ZNF385D: variants seen among roughly 807,000 people sequenced by gnomAD.
ZNF385D encodes the protein zinc finger protein 385D, also known as zinc finger protein 659.
Under a neutral mutation model 35.8 loss-of-function variants are expected in ZNF385D, and 15 were observed. That is an observed-to-expected ratio of 0.42 (90% CI 0.28 to 0.64). ZNF385D has a LOEUF of 0.64. ZNF385D is among the 30% of genes least tolerant of loss of function. The pLI is 0.23. For synonymous variants in ZNF385D, 212 were observed against 186.8 expected, an observed-to-expected ratio of 1.13 and a Z score of -1.10; for missense variants, 474 against 494.6, an observed-to-expected ratio of 0.96 and a Z score of 0.39.
intron 4 of ZNF385D, among the ~76,000 whole-genome samples, chr3:21,442,249 G>C (rs440184): frequency 0.94 from 143,762 of 152,218 alleles, 67,901 homozygotes; most frequent in East Asian, 1. Flanking sequence ...CTTCATAACT[G>C]AAGTGGAAAA....
intron 3 of ZNF385D, among the ~76,000 whole-genome samples, chr3:22,070,758 A>G (rs932915695): frequency 2.0e-5 from 3 of 152,176 alleles, no homozygotes; most frequent in Admixed American, 6.5e-5. Flanking sequence ...GAGTTGTGAA[A>G]GTAAGTCATG....
At chr3:21,460,864 T>G (rs1703125370) in intron 4 of ZNF385D, among the ~76,000 whole-genome samples, 2 of 152,178 alleles carry the variant, frequency 1.3e-5, no homozygotes, top group African/African-American at 4.8e-5. Context: ...AGTCTCAGCT[T>G]TCTCTCTGTC....
chr3:22,165,502 A>AT (rs1319424073), intron 3 of ZNF385D, among the ~76,000 whole-genome samples: 1 of 152,126 alleles, frequency 6.6e-6, no homozygotes, highest in Non-Finnish European at 1.5e-5. Flanking sequence ...GTGGGAAAAT[A>AT]TTTTTATTTG....
At chr3:22,026,391 C>T (rs1454569080) in intron 3 of ZNF385D, among the ~76,000 whole-genome samples, 2 of 152,144 alleles carry the variant, frequency 1.3e-5, no homozygotes. Context: ...TAGCCTTTTA[C>T]CAGGTAACTG....
chr3:22,131,214 G>C (rs1206884590), intron 3 of ZNF385D, among the ~76,000 whole-genome samples: 6 of 152,132 alleles, frequency 3.9e-5, no homozygotes, highest in Non-Finnish European at 7.3e-5. Context: ...TAGCAAATAA[G>C]ACAGAGACGA....
chr3:21,895,494 AT>A (rs1221696542), intron 3 of ZNF385D, among the ~76,000 whole-genome samples: 6,211 of 131,446 alleles, frequency 0.047, 490 homozygotes, highest in Admixed American at 0.21. Context: ...TGCCTGGCTA[AT>A]TTTTTTTTTT....
At chr3:22,170,652 G>C (rs904930327) in intron 2 of ZNF385D, among the ~76,000 whole-genome samples, 4 of 152,030 alleles carry the variant, frequency 2.6e-5, no homozygotes, top group African/African-American at 4.8e-5. Context: ...AAAATTTATA[G>C]ACTTTGTAAA....
At chr3:21,903,969 C>G (rs564747871) in intron 3 of ZNF385D, among the ~76,000 whole-genome samples, 6 of 152,046 alleles carry the variant, frequency 3.9e-5, no homozygotes, top group Non-Finnish European at 8.8e-5. Flanking sequence ...TGTTTGATGA[C>G]TTTTCAAAGG....
At chr3:21,769,375 A>T (rs1304683699) in intron 3 of ZNF385D, among the ~76,000 whole-genome samples, 1 of 118,424 alleles carries the variant, frequency 8.4e-6, no homozygotes, top group Non-Finnish European at 1.7e-5. Context: ...CCGATAAGCA[A>T]CTTCGGCAAA....
chr3:22,036,872 C>T (rs1400838497), intron 3 of ZNF385D, among the ~76,000 whole-genome samples: 3 of 120,778 alleles, frequency 2.5e-5, no homozygotes, highest in East Asian at 3.1e-4. Flanking sequence ...CTCCCCCCAC[C>T]CCACAACAGG....
intron 2 of ZNF385D, among the ~76,000 whole-genome samples, chr3:22,286,398 T>A (rs1227489564): frequency 6.6e-6 from 1 of 152,092 alleles, no homozygotes; most frequent in Non-Finnish European, 1.5e-5. Context: ...CTCTATTTCA[T>A]TTATTTCTGC....
intron 3 of ZNF385D, among the ~76,000 whole-genome samples, chr3:22,092,999 G>T (rs988982605): frequency 1.3e-5 from 2 of 152,068 alleles, no homozygotes; most frequent in Non-Finnish European, 2.9e-5. Flanking sequence ...TCAAAACTTA[G>T]CTGAGCCCAG....
intron 4 of ZNF385D, among the ~76,000 whole-genome samples, chr3:21,452,580 T>C (rs1218073043): frequency 6.6e-6 from 1 of 151,904 alleles, no homozygotes; most frequent in Non-Finnish European, 1.5e-5. Context: ...CAATGAACAA[T>C]CTAAAGTTAA....
chr3:21,587,757 A>G (rs968530731), intron 2 of ZNF385D, among the ~76,000 whole-genome samples: 4 of 152,156 alleles, frequency 2.6e-5, no homozygotes, highest in African/African-American at 9.7e-5. Context: ...AAACAGGGCT[A>G]CCATTCCTGG....
At chr3:21,648,331 A>C (rs2065813871) in intron 2 of ZNF385D, among the ~76,000 whole-genome samples, 1 of 152,116 alleles carries the variant, frequency 6.6e-6, no homozygotes, top group South Asian at 2.1e-4. Flanking sequence ...TTCTGCCATG[A>C]TTGTGGGTTT....
At chr3:22,140,405 T>C (rs568347213) in intron 3 of ZNF385D, among the ~76,000 whole-genome samples, 4 of 152,112 alleles carry the variant, frequency 2.6e-5, no homozygotes, top group South Asian at 4.2e-4. Context: ...CAGGCCGAGG[T>C]TGGGGAAAGG....
intron 3 of ZNF385D, among the ~76,000 whole-genome samples, chr3:21,779,684 G>C (rs949576819): frequency 5.3e-5 from 8 of 151,942 alleles, no homozygotes; most frequent in African/African-American, 1.9e-4. Context: ...CTTTACAAAT[G>C]TAAGTTCATT....
At chr3:21,443,506 G>A (rs1251586685) in intron 4 of ZNF385D, among the ~76,000 whole-genome samples, 2 of 152,164 alleles carry the variant, frequency 1.3e-5, no homozygotes, top group East Asian at 3.8e-4. Context: ...GTATATGCAA[G>A]AGTAATAGGA....
At chr3:21,737,998 G>A (rs538852290) in intron 1 of ZNF385D, among the ~76,000 whole-genome samples, 3 of 152,232 alleles carry the variant, frequency 2.0e-5, no homozygotes, top group South Asian at 4.1e-4. Context: ...AATTACAGGG[G>A]TTGGTGCTGT....
Sources: gnomAD v4.1 joint callset for allele counts (sites outside exome capture counted in the v4.1 genomes callset) on GRCh38, gnomAD v4.1.1 for gene constraint, MANE v1.5 for transcripts, NCBI Gene and HGNC (gene_info 2026-07-23, HGNC 2026-07-21) for gene names.